Variants in PI4KA observed in about 807,000 individuals in gnomAD.
The protein encoded by PI4KA is PI4-kinase alpha.
In PI4KA, 122 loss-of-function variants were observed where a neutral mutation model predicts 271.4. That is an observed-to-expected ratio of 0.45 (90% confidence interval 0.39 to 0.52). PI4KA has a LOEUF of 0.52. PI4KA is among the 20% of genes least tolerant of loss of function. The pLI, the probability that PI4KA is intolerant of heterozygous loss-of-function variation, is 0.00. For synonymous variants in PI4KA, 1,041 were observed against 1,078.8 expected, an observed-to-expected ratio of 0.96 and a Z score of 0.69; for missense variants, 1,969 against 2,769.1, an observed-to-expected ratio of 0.71 and a Z score of 6.48.
intron 54 of PI4KA, 50 bp from the exon 55 acceptor site, chr22:20,708,148 T>A (rs1266059432): frequency 6.7e-7 from 1 of 1,498,336 alleles, no homozygotes. Context: ...CAGCAGGGTC[T>A]GGGGTCCCTC....
At position 20,820,548 on chromosome 22, in the gene PI4KA, G is replaced by C. The variant is rs371865226; in HGVS notation, c.520C>G (p.Gln174Glu). ...LLGMCQALEIQDKEYLCKYAI... is the reference protein window; with the variant it reads ...LLGMCQALEIEDKEYLCKYAI... ...TTAAGGATACTCGTACCTTTGTCTT[G>C]AATCTCCAAGGCCTGGCACATCCCC... is the stretch of plus-strand genomic sequence containing the variant. Residue 174 changes from glutamine to glutamate, a missense_variant, in exon 5 of 55, where the codon CAA (glutamine) becomes GAA (glutamate). Gln to Glu is a conservative substitution (Grantham distance 29). Coordinates refer to ENST00000255882, the MANE Select transcript of PI4KA (RefSeq NM_058004.4). 11 of 1,605,430 alleles carry C rather than the reference G, an allele frequency of 6.9e-6. No homozygotes were observed. Among genetic ancestry groups the C allele is most frequent in the Non-Finnish European group, 9.4e-6 (11 of 1,173,844 alleles).
chr22:20,738,183 G>A (rs912420066), intron 32 of PI4KA, among the ~76,000 whole-genome samples: 3 of 152,092 alleles, frequency 2.0e-5, no homozygotes, highest in African/African-American at 7.2e-5. Context: ...ACACAGGAGT[G>A]AGCGTGGCTA....
At chr22:20,754,652 C>G (rs914914731) in intron 23 of PI4KA, among the ~76,000 whole-genome samples, 1 of 152,088 alleles carries the variant, frequency 6.6e-6, no homozygotes, top group Admixed American at 6.6e-5. Flanking sequence ...ATTCTTTCTA[C>G]TTTTTAAAAA....
rs1490170277 is a variant in PI4KA at position 20,717,775 on chromosome 22, G to C, written c.5250C>G (p.Pro1750=). Reference sequence around the variant, plus strand: ...TCTTTCTCTCGTCGCCTTTAGGGTAGGGCCTGAGAAACAGGAAAGAAATTC... The same window carrying C: ...TCTTTCTCTCGTCGCCTTTAGGGTACGGCCTGAGAAACAGGAAAGAAATTC... ...KITNVSAIIK[P]YPKGDERKKA... The change falls in exon 45 of 55, where the codon CCC becomes CCG. Residue 1750 remains proline (P), a synonymous_variant. Transcript: ENST00000255882. 2 of 1,564,850 alleles carry C rather than the reference G, an allele frequency of 1.3e-6. No individual in the cohort carries two copies. The highest frequency in any genetic ancestry group is 1.2e-5 in the South Asian group (1 of 85,374).
In PI4KA at chr22:20,719,937, A is replaced by G. The variant is rs531713627; in HGVS notation, c.5117-1115T>C. On this transcript the variant is annotated intron_variant, in intron 43 of 54. Transcript: ENST00000255882. ...GCTACTCGGGAGGCTGAGGCAGGAG[A>G]ATGGCGTGAACCTGGGAGGCGGAGC... 7.4e-5 allele frequency among the ~76,000 whole-genome samples: 11 copies of G among 148,976 alleles called. No individual in the cohort carries two copies. In the South Asian group the frequency reaches 2.4e-3, roughly 33 times the overall value.
At chr22:20,827,155 C>T (rs1179488460) in intron 3 of PI4KA, among the ~76,000 whole-genome samples, 1 of 152,098 alleles carries the variant, frequency 6.6e-6, no homozygotes, top group Non-Finnish European at 1.5e-5. Context: ...GTGGTATTTC[C>T]TAGTATCTTC....
intron 18 of PI4KA, among the ~76,000 whole-genome samples, chr22:20,795,234 C>G (rs1239322514): frequency 6.6e-6 from 1 of 151,342 alleles, no homozygotes; most frequent in Non-Finnish European, 1.5e-5. Context: ...GCCTCAGTAC[C>G]AAGTGTTATC....
intron 26 of PI4KA, 106 bp from the exon 27 acceptor site, chr22:20,751,482 C>T (rs1930684362): frequency 2.8e-6 from 3 of 1,075,410 alleles, no homozygotes; most frequent in East Asian, 2.5e-5. Context: ...TGACAGGCCT[C>T]CATACTTGAT....
At chr22:20,809,986 C>G (rs1002568389) in intron 9 of PI4KA, among the ~76,000 whole-genome samples, 3 of 152,156 alleles carry the variant, frequency 2.0e-5, no homozygotes, top group Admixed American at 2.0e-4. Flanking sequence ...GTATCAGGCA[C>G]TGTGTGTCTT....
chr22:20,723,007 ATTT>A (rs1344693278), intron 42 of PI4KA, among the ~76,000 whole-genome samples: 2 of 151,394 alleles, frequency 1.3e-5, no homozygotes, highest in African/African-American at 4.9e-5. Flanking sequence ...CTCTTTGGCC[ATTT>A]TTATTAACTT....
At chr22:20,752,238 AC>A (rs1930780396) in intron 25 of PI4KA, among the ~76,000 whole-genome samples, 1 of 152,188 alleles carries the variant, frequency 6.6e-6, no homozygotes, top group Non-Finnish European at 1.5e-5. Flanking sequence ...CAGCTCAGAC[AC>A]ACGCCACGTG....
In PI4KA at chr22:20,799,718, G is replaced by A; in HGVS notation, c.1773C>T (p.Phe591=). The part of the protein sequence containing the change: ...LTVDPVIVEA[F]LASLSNRLYI... ...AGAGCCGGTTGGACAGGCTGGCCAA[G>A]AACGCCTCCACAATCACTGGGTCCA... Residue 591 remains phenylalanine, a synonymous_variant, in exon 15 of 55, where the codon TTC becomes TTT. Transcript: ENST00000255882. 1 of 1,553,086 alleles carries A rather than the reference G, an allele frequency of 6.4e-7. No homozygotes were observed. The highest frequency in any genetic ancestry group is 1.2e-5 in the South Asian group (1 of 84,116).
intron 30 of PI4KA, among the ~76,000 whole-genome samples, chr22:20,743,969 G>C (rs1401331866): frequency 6.6e-6 from 1 of 152,168 alleles, no homozygotes; most frequent in East Asian, 1.9e-4. Flanking sequence ...CAGGAGAATG[G>C]CGTGAACCCA....
At chr22:20,740,180 T>A (rs1040584751) in intron 32 of PI4KA, among the ~76,000 whole-genome samples, 14 of 151,546 alleles carry the variant, frequency 9.2e-5, no homozygotes, top group African/African-American at 3.4e-4. Context: ...ACCTGAGAAT[T>A]GTATCTGAAA....
chr22:20,835,646 C>T (rs1335145415), intron 2 of PI4KA, among the ~76,000 whole-genome samples: 3 of 151,824 alleles, frequency 2.0e-5, no homozygotes, highest in South Asian at 2.1e-4. Context: ...GTGGGAGGAT[C>T]GCTTGAGCAT....
intron 37 of PI4KA, 76 bp from the exon 38 acceptor site, chr22:20,729,787 G>A: frequency 6.3e-7 from 1 of 1,577,670 alleles, no homozygotes; most frequent in Non-Finnish European, 8.7e-7. Context: ...CCTAGAGGAA[G>A]CTTGCAGTGC....
At chr22:20,731,565 G>A (rs1928054413) in intron 36 of PI4KA, among the ~76,000 whole-genome samples, 1 of 152,074 alleles carries the variant, frequency 6.6e-6, no homozygotes, top group Non-Finnish European at 1.5e-5. Context: ...GGAGGCTGAG[G>A]CGGGCGGATC....
intron 9 of PI4KA, among the ~76,000 whole-genome samples, chr22:20,810,756 G>A (rs1935955498): frequency 6.6e-6 from 1 of 152,116 alleles, no homozygotes; most frequent in Non-Finnish European, 1.5e-5. Flanking sequence ...CCAGTCAGAG[G>A]CACCCTGAGG....
At chr22:20,746,904 T>C (rs993249852) in intron 29 of PI4KA, among the ~76,000 whole-genome samples, 5 of 152,222 alleles carry the variant, frequency 3.3e-5, no homozygotes. Flanking sequence ...AAGGGAGGCC[T>C]GTCACCCTTC....
Sources: gnomAD v4.1 joint callset for allele counts (sites outside exome capture counted in the v4.1 genomes callset) on GRCh38, gnomAD v4.1.1 for gene constraint, MANE v1.5 for transcripts, NCBI Gene and HGNC (gene_info 2026-07-23, HGNC 2026-07-21) for gene names.